Variants in GRM5 observed in about 807,000 individuals in gnomAD.
GRM5 encodes the protein metabotropic glutamate receptor 5.
A neutral mutation model predicts 83.1 loss-of-function variants in GRM5; 19 were observed. That is an observed-to-expected ratio of 0.23 (90% CI 0.16 to 0.34). The LOEUF (loss-of-function observed/expected upper bound fraction) is 0.34. Ranked by LOEUF, GRM5 falls within the 10% of genes least tolerant of loss-of-function variation. The pLI is 1.00. For synonymous variants in GRM5, 675 were observed against 633.6 expected (o/e 1.07, Z -0.98); for missense variants, 1,160 against 1,588.3 (o/e 0.73, Z 4.58).
intron 3 of GRM5, among the ~76,000 whole-genome samples, chr11:88,708,521 T>G (rs1941211243): frequency 6.6e-6 from 1 of 152,088 alleles, no homozygotes; most frequent in Admixed American, 6.6e-5. Flanking sequence ...AACATGTAGT[T>G]TGATCTTACA....
At position 88,591,500 on chromosome 11, in the gene GRM5, A is replaced by G. The variant is rs149955014; in HGVS notation, c.1564-773T>C. Among the ~76,000 whole-genome samples the G allele has an allele frequency of 6.1e-3, 936 of 152,364 alleles. 7 individuals are homozygous for G. The highest frequency in any genetic ancestry group is 9.7e-3 in the Non-Finnish European group (658 of 68,032). On this transcript the variant is annotated intron_variant, in intron 6 of 9. Coordinates refer to ENST00000305447, the MANE Select transcript of GRM5 (RefSeq NM_001143831.3). ...ACCTTTTCTTCCCCACCATTGGTGC[A>G]TGAAAAGCCTCTCCGGAATAGACAG...
chr11:88,959,123 C>T (rs539049867), intron 2 of GRM5, among the ~76,000 whole-genome samples: 331 of 152,076 alleles, frequency 2.2e-3, no homozygotes, highest in African/African-American at 6.7e-3. Flanking sequence ...CCTCACAGGA[C>T]CTGTGAAAGG....
intron 4 of GRM5, among the ~76,000 whole-genome samples, chr11:88,649,433 A>C (rs924988503): frequency 7.0e-6 from 1 of 143,366 alleles, no homozygotes; most frequent in African/African-American, 2.5e-5. Flanking sequence ...TATATATGAC[A>C]TTTATTATGT....
At chr11:88,811,407 A>G (rs11021414) in intron 3 of GRM5, among the ~76,000 whole-genome samples, 3,879 of 152,232 alleles carry the variant, frequency 0.025, 174 homozygotes, top group African/African-American at 0.089. Context: ...AATATTTTAT[A>G]ACAAAGACCT....
At chr11:88,522,569 TTC>T (rs146352449) in intron 9 of GRM5, among the ~76,000 whole-genome samples, 105 of 138,688 alleles carry the variant, frequency 7.6e-4, no homozygotes, top group African/African-American at 2.1e-3. Context: ...CAGGTCTCTC[TTC>T]TCTCTCTCTC....
intron 5 of GRM5, among the ~76,000 whole-genome samples, chr11:88,604,481 G>A (rs1938086573): frequency 6.6e-6 from 1 of 152,140 alleles, no homozygotes; most frequent in Non-Finnish European, 1.5e-5. Flanking sequence ...TCTTAGTTTA[G>A]GTCTCTGAAA....
chr11:88,748,426 G>T (rs533855827), intron 3 of GRM5, among the ~76,000 whole-genome samples: 1 of 152,156 alleles, frequency 6.6e-6, no homozygotes, highest in African/African-American at 2.4e-5. Context: ...AACAGCAGTG[G>T]GTTGAGGTCT....
chr11:88,914,073 A>G (rs972047998), intron 2 of GRM5, among the ~76,000 whole-genome samples: 35 of 152,290 alleles, frequency 2.3e-4, no homozygotes, highest in South Asian at 2.1e-3. Context: ...TGCTCTGATA[A>G]ATCACTCAGC....
chr11:88,927,392 A>G (rs1945808241), intron 2 of GRM5, among the ~76,000 whole-genome samples: 1 of 152,180 alleles, frequency 6.6e-6, no homozygotes, highest in Non-Finnish European at 1.5e-5. Flanking sequence ...TGAATGAGAA[A>G]CAAACAAATG....
intron 6 of GRM5, among the ~76,000 whole-genome samples, chr11:88,595,890 G>T (rs111754910): frequency 3.3e-5 from 5 of 152,018 alleles, no homozygotes; most frequent in African/African-American, 1.2e-4. Context: ...TATATTCTTG[G>T]TCCGTATTTA....
At chr11:88,858,855 G>T (rs910281678) in intron 2 of GRM5, among the ~76,000 whole-genome samples, 11 of 152,158 alleles carry the variant, frequency 7.2e-5, no homozygotes, top group Admixed American at 2.0e-4. Context: ...TAAGAGAATA[G>T]AAGTCTGAAT....
At chr11:88,563,238 A>G (rs1478638585) in intron 8 of GRM5, among the ~76,000 whole-genome samples, 1 of 152,164 alleles carries the variant, frequency 6.6e-6, no homozygotes, top group African/African-American at 2.4e-5. Context: ...AAACAGACTA[A>G]AGTGCCTTAT....
At chr11:89,006,136 G>C (rs1420737483) in intron 2 of GRM5, among the ~76,000 whole-genome samples, 1 of 152,180 alleles carries the variant, frequency 6.6e-6, no homozygotes, top group Non-Finnish European at 1.5e-5. Flanking sequence ...AAAGAGAACA[G>C]TATAGCAGAA....
chr11:88,606,943 T>G (rs967679588), intron 4 of GRM5, among the ~76,000 whole-genome samples: 6 of 100,856 alleles, frequency 5.9e-5, no homozygotes, highest in African/African-American at 3.7e-4. Flanking sequence ...AGAAAGGTGT[T>G]TTTTTTTTTT....
At chr11:89,004,278 A>T (rs909615591) in intron 2 of GRM5, among the ~76,000 whole-genome samples, 5 of 152,200 alleles carry the variant, frequency 3.3e-5, no homozygotes, top group African/African-American at 1.2e-4. Flanking sequence ...TTTTCATTTC[A>T]TTCAAGTTTA....
intron 2 of GRM5, among the ~76,000 whole-genome samples, chr11:88,972,255 A>T (rs1185686254): frequency 6.6e-6 from 1 of 152,108 alleles, no homozygotes; most frequent in Non-Finnish European, 1.5e-5. Flanking sequence ...CAACCCTGAC[A>T]TAAAACTTCT....
chr11:88,845,703 G>C (rs1270061243), intron 3 of GRM5, among the ~76,000 whole-genome samples: 1 of 149,070 alleles, frequency 6.7e-6, no homozygotes, highest in African/African-American at 2.5e-5. Flanking sequence ...AAAGTGCTGG[G>C]ATTACAGGCA....
At chr11:88,639,605 T>G (rs1939234827) in intron 4 of GRM5, among the ~76,000 whole-genome samples, 1 of 151,816 alleles carries the variant, frequency 6.6e-6, no homozygotes, top group Non-Finnish European at 1.5e-5. Flanking sequence ...TTTTTTTTTT[T>G]GAGATGGAGT....
intron 2 of GRM5, among the ~76,000 whole-genome samples, chr11:89,024,075 G>A (rs2079591256): frequency 6.6e-6 from 1 of 151,814 alleles, no homozygotes. Flanking sequence ...AATTAGTTGG[G>A]CGTGGTGGTC....
Sources: allele counts gnomAD v4.1 joint callset (sites outside exome capture counted in the v4.1 genomes callset), GRCh38; gene constraint gnomAD v4.1.1; transcripts MANE v1.5; gene names NCBI Gene and HGNC (gene_info 2026-07-23, HGNC 2026-07-21).